GFOD2: variants seen among roughly 807,000 people sequenced by gnomAD.
GFOD2 encodes Gfo/Idh/MocA-like oxidoreductase domain containing 2.
A neutral mutation model predicts 24.6 loss-of-function variants in GFOD2; 9 were observed. The ratio of observed to expected loss-of-function variants is 0.37; its 90% CI spans 0.22 to 0.64. GFOD2 has a LOEUF of 0.64. GFOD2 is among the 30% of genes least tolerant of loss of function. GFOD2 has a pLI of 0.65. For synonymous variants in GFOD2, 211 were observed against 224.8 expected (o/e 0.94, Z 0.55); for missense variants, 476 against 532.5 (o/e 0.89, Z 1.04).
At chr16:67,702,085 AGTCATACCCATTT>A (rs2053406353) in intron 1 of GFOD2, among the ~76,000 whole-genome samples, 1 of 152,214 alleles carries the variant, frequency 6.6e-6, no homozygotes, top group African/African-American at 2.4e-5. Flanking sequence ...GACAGAACAC[AGTCATACCCATTT>A]GTTTACCTAC....
chr16:67,683,712 C>G, intron 2 of GFOD2: 1 of 1,229,940 alleles, frequency 8.1e-7, no homozygotes, highest in Non-Finnish European at 1.0e-6. Flanking sequence ...TGACAGACAC[C>G]TTCCTATGAC....
chr16:67,675,619 C>A lies in GFOD2; in HGVS notation c.694G>T (p.Gly232Cys), dbSNP rs1567652176. Reference protein sequence around the residue: ...FCFFQMLMGGGVCSTVTLNFN... With the variant: ...FCFFQMLMGGCVCSTVTLNFN... ...TTGAGTGTCACTGTGCTACACACAC[C>A]CCCACCCATGAGCATCTGGAAGAAA... The change falls in exon 3 of 3, where the codon GGT (glycine) becomes TGT (cysteine). Residue 232 changes from glycine (G) to cysteine (C), a missense_variant. Gly to Cys is a radical substitution (Grantham distance 159). Coordinates refer to ENST00000268797, the MANE Select transcript of GFOD2 (RefSeq NM_030819.4). 4 of 1,613,220 alleles carry A rather than the reference C, an allele frequency of 2.5e-6. No individual in the cohort carries two copies. The highest frequency in any genetic ancestry group is 3.4e-6 in the Non-Finnish European group (4 of 1,180,028).
rs11539687 is a variant in GFOD2, at chr16:67,675,621, C to A, written c.692G>T (p.Gly231Val). 1 of 1,613,260 alleles carries A rather than the reference C, an allele frequency of 6.2e-7. No individual in the cohort carries two copies. The highest frequency in any genetic ancestry group is 1.1e-5 in the South Asian group (1 of 91,090). The part of the protein sequence containing the change: ...DFCFFQMLMG[G>V]GVCSTVTLNF... ...GAGTGTCACTGTGCTACACACACCC[C>A]CACCCATGAGCATCTGGAAGAAACA... The change falls in exon 3 of 3, where the codon GGG becomes GTG. Residue 231 changes from glycine (G) to valine (V), a missense_variant. By Grantham distance (109) the Gly-to-Val change is moderately radical. Coordinates refer to ENST00000268797, the MANE Select transcript of GFOD2 (RefSeq NM_030819.4).
At chr16:67,709,825 AG>A (rs2053461238) in intron 1 of GFOD2, among the ~76,000 whole-genome samples, 1 of 152,152 alleles carries the variant, frequency 6.6e-6, no homozygotes, top group African/African-American at 2.4e-5. Context: ...CATATTGCCC[AG>A]GCTGGTCTTG....
intron 1 of GFOD2, among the ~76,000 whole-genome samples, chr16:67,715,407 T>A (rs1023777043): frequency 7.9e-5 from 12 of 151,766 alleles, no homozygotes; most frequent in African/African-American, 2.9e-4. Flanking sequence ...TGAGAGAAAA[T>A]TTTTTTTTGT....
chr16:67,685,903 T>C, intron 1 of GFOD2, 101 bp from the exon 2 acceptor site: 1 of 632,476 alleles, frequency 1.6e-6, no homozygotes, highest in East Asian at 2.8e-5. Flanking sequence ...TTGCCCAAGC[T>C]GGAGTGCAGT....
chr16:67,714,890 A>G (rs2053496990), intron 1 of GFOD2, among the ~76,000 whole-genome samples: 1 of 152,160 alleles, frequency 6.6e-6, no homozygotes, highest in South Asian at 2.1e-4. Context: ...GAGTATATAC[A>G]TTTTATCACT....
intron 1 of GFOD2, among the ~76,000 whole-genome samples, chr16:67,693,239 G>C (rs920670280): frequency 7.3e-5 from 11 of 151,540 alleles, no homozygotes; most frequent in African/African-American, 2.7e-4. Context: ...TTATAATTCA[G>C]ACAAAGAACC....
chr16:67,695,339 C>A (rs771746726), intron 1 of GFOD2, among the ~76,000 whole-genome samples: 1 of 152,150 alleles, frequency 6.6e-6, no homozygotes, highest in Non-Finnish European at 1.5e-5. Flanking sequence ...CCCCTACAGG[C>A]TTCTCTACTA....
chr16:67,684,886 C>T (rs1388244895), intron 2 of GFOD2: 2 of 991,292 alleles, frequency 2.0e-6, no homozygotes, highest in Middle Eastern at 5.1e-4. Flanking sequence ...AAGCCCAAAA[C>T]TTCCCAAGGG....
chr16:67,707,696 ATTTT>A (rs1021105149), intron 1 of GFOD2, among the ~76,000 whole-genome samples: 1 of 152,050 alleles, frequency 6.6e-6, no homozygotes, highest in African/African-American at 2.4e-5. Flanking sequence ...CTATTAATGA[ATTTT>A]TTTCTTTTTA....
At chr16:67,715,054 T>C (rs967530697) in intron 1 of GFOD2, among the ~76,000 whole-genome samples, 5 of 151,996 alleles carry the variant, frequency 3.3e-5, no homozygotes, top group Admixed American at 3.3e-4. Context: ...GTTTAATCCA[T>C]ATTTTCTTTC....
chr16:67,684,894 G>T (rs921365532), intron 2 of GFOD2: 2 of 992,868 alleles, frequency 2.0e-6, no homozygotes, highest in Non-Finnish European at 2.4e-6. Context: ...AACTTCCCAA[G>T]GGAGTGGAGA....
intron 2 of GFOD2, chr16:67,681,773 G>C (rs2053226905): frequency 1.0e-6 from 1 of 985,246 alleles, no homozygotes; most frequent in Non-Finnish European, 1.2e-6. Context: ...AGGACATCTT[G>C]ACTTAAACAG....
intron 2 of GFOD2, chr16:67,684,792 C>T (rs144021557): frequency 1.0e-6 from 1 of 984,868 alleles, no homozygotes; most frequent in Non-Finnish European, 1.2e-6. Context: ...GAAGTTGACT[C>T]CAGTTGACTG....
chr16:67,687,648 AAAAAAAAAAAGAAAAAAAG>A (rs2053278338), intron 1 of GFOD2, among the ~76,000 whole-genome samples: 2 of 150,954 alleles, frequency 1.3e-5, no homozygotes, highest in African/African-American at 4.9e-5. Flanking sequence ...CTCAAAAAAA[AAAAAAAAAAAGAAAAAAAG>A]AAAAAAAAAA....
chr16:67,689,319 G>A (rs9673457), intron 1 of GFOD2, among the ~76,000 whole-genome samples: 2 of 151,050 alleles, frequency 1.3e-5, no homozygotes, highest in South Asian at 2.1e-4. Context: ...GATTACAGGC[G>A]TGAGCCACCA....
At chr16:67,689,766 C>G (rs566901200) in intron 1 of GFOD2, among the ~76,000 whole-genome samples, 20 of 152,234 alleles carry the variant, frequency 1.3e-4, no homozygotes, top group African/African-American at 4.6e-4. Flanking sequence ...TTCTGGAACT[C>G]TTTTCACCTT....
At chr16:67,697,845 C>T (rs1322980216) in intron 1 of GFOD2, among the ~76,000 whole-genome samples, 1 of 152,120 alleles carries the variant, frequency 6.6e-6, no homozygotes, top group African/African-American at 2.4e-5. Flanking sequence ...AGCTGTGGGA[C>T]ATAAAAAGAT....
Sources: gnomAD v4.1 joint callset for allele counts (sites outside exome capture counted in the v4.1 genomes callset) on GRCh38, gnomAD v4.1.1 for gene constraint, MANE v1.5 for transcripts, NCBI Gene and HGNC (gene_info 2026-07-23, HGNC 2026-07-21) for gene names.